Variants in SNX1 observed in about 807,000 individuals in gnomAD.
SNX1 encodes sorting nexin-1.
SNX1 carries 36 observed loss-of-function variants against 71.8 expected under a neutral mutation model. The observed-to-expected ratio is 0.50, with a 90% CI of 0.38 to 0.66. SNX1 has a LOEUF of 0.66. SNX1 is among the 30% of genes least tolerant of loss of function. The pLI is 0.00. For synonymous variants in SNX1, 254 were observed against 240.7 expected, an observed-to-expected ratio of 1.06 and a Z score of -0.51; for missense variants, 612 against 646.7, an observed-to-expected ratio of 0.95 and a Z score of 0.58.
intron 6 of SNX1, 117 bp downstream of exon 6, chr15:64,126,337 G>C: frequency 8.6e-7 from 1 of 1,166,220 alleles, no homozygotes; most frequent in Non-Finnish European, 1.2e-6. Flanking sequence ...TTAGAAAAGA[G>C]ACATTTCCAG....
In SNX1 at chr15:64,096,074, C is replaced by G; in HGVS notation, c.61C>G (p.Leu21Val). 6.3e-7 allele frequency: 1 copy of G among 1,580,238 alleles called. No individual in the cohort carries two copies. Among genetic ancestry groups the G allele is most frequent in the Non-Finnish European group, 8.6e-7 (1 of 1,166,536 alleles). ...SERLPPPFPG[L>V]EPESEGAAGG... is the part of the protein sequence containing the mutation. ...GAGACTGCCTCCGCCCTTCCCCGGC[C>G]TGGAGCCGGAGTCCGAGGGGGCGGC... Residue 21 changes from leucine to valine, a missense_variant, in exon 1 of 15, where the codon CTG becomes GTG. By Grantham distance (32) the Leu-to-Val change is conservative (BLOSUM62 1). Transcript: ENST00000559844.
In SNX1 at chr15:64,136,415, G is replaced by T. The variant is rs1335215365; in HGVS notation, c.1446+5G>T. The T allele has an allele frequency of 2.5e-6, 4 of 1,612,534 alleles. No individual in the cohort carries two copies. The East Asian group carries it at 8.9e-5, about 36-fold the overall frequency. ...AAAGAAGTGATACGGTTTGAGGTGAGATAGAAAATCCTACTTCTCACTTAG... is the reference window on the plus strand; with the variant it reads ...AAAGAAGTGATACGGTTTGAGGTGATATAGAAAATCCTACTTCTCACTTAG... On this transcript the variant is annotated splice_donor_5th_base_variant and intron_variant, in intron 13 of 14. Coordinates refer to ENST00000559844, the MANE Select transcript of SNX1 (RefSeq NM_003099.5).
Position 64,124,522 on chromosome 15 carries a change from A to T in SNX1, c.510+976A>T, listed in dbSNP as rs889681383. 1.8e-4 allele frequency among the ~76,000 whole-genome samples: 28 copies of T among 151,880 alleles called. No individual in the cohort carries two copies. The East Asian group carries it at 5.4e-3, about 29-fold the overall frequency. The stretch of plus-strand genomic sequence containing the variant: ...ACTCTGTCTCAAAAAAAAAAAAAAA[A>T]AAATAGTATCATGCTGATAATTGTG... On this transcript the variant is annotated intron_variant, in intron 5 of 14. Transcript: ENST00000559844.
rs1016164644 is a variant in SNX1 at position 64,139,989 on chromosome 15, A to G, written c.*2371A>G. The G allele has an allele frequency of 1.3e-5, 2 of 152,168 alleles. No homozygotes were observed. Among genetic ancestry groups the G allele is most frequent in the African/African-American group, 2.4e-5 (1 of 41,428 alleles). The allele number at this position is 152,168 out of a possible 1,614,324, so 9.4% of individuals were successfully genotyped here. ...GTCGTCAGTGCGTCGTAATCAGCAT[A>G]TAATGTCAGTTGGTCCCATTAATGT... On this transcript the variant is annotated 3_prime_UTR_variant, in exon 15 of 15. Coordinates refer to ENST00000559844, the MANE Select transcript of SNX1 (RefSeq NM_003099.5).
At chr15:64,113,727 A>G (rs540238044) in intron 2 of SNX1, among the ~76,000 whole-genome samples, 11 of 152,308 alleles carry the variant, frequency 7.2e-5, no homozygotes, top group African/African-American at 2.6e-4. Context: ...AGGCTGAGGC[A>G]GGAGAATTGC....
chr15:64,127,645 A>C, intron 7 of SNX1, 86 bp from the exon 8 acceptor site: 1 of 922,560 alleles, frequency 1.1e-6, no homozygotes, highest in Non-Finnish European at 1.8e-6. Flanking sequence ...AGTACAGAAG[A>C]CATGGTATCA....
Position 64,127,204 on chromosome 15 carries a change from ATTC to A in SNX1, c.691_693del (p.Ser231del), listed in dbSNP as rs762103879. 8.1e-5 allele frequency: 131 copies of A among 1,613,672 alleles called. No homozygotes were observed. The highest frequency in any genetic ancestry group is 1.1e-4 in the Non-Finnish European group (126 of 1,179,856). ...ACAAAAGTGAAAGTTGGGAAGGAAG[ATTC>A]TTCTTCTGCAGAATTTCTTGAAAAA... On this transcript the variant is annotated inframe_deletion, in exon 7 of 15. Coordinates refer to ENST00000559844, the MANE Select transcript of SNX1 (RefSeq NM_003099.5).
intron 1 of SNX1, among the ~76,000 whole-genome samples, chr15:64,096,701 C>A (rs2080905578): frequency 6.6e-6 from 1 of 152,186 alleles, no homozygotes; most frequent in African/African-American, 2.4e-5. Flanking sequence ...TTCTTCTGAT[C>A]TCTAGGAAAA....
intron 1 of SNX1, among the ~76,000 whole-genome samples, chr15:64,104,397 C>A (rs539374074): frequency 7.9e-5 from 12 of 151,498 alleles, no homozygotes; most frequent in Non-Finnish European, 1.5e-5. Flanking sequence ...CTCAGCCTCC[C>A]GAGTAGCTGG....
chr15:64,125,464 CAAAAAA>C (rs56350009), intron 5 of SNX1, among the ~76,000 whole-genome samples: 487 of 45,910 alleles, frequency 0.011, 5 homozygotes, highest in African/African-American at 0.031. Flanking sequence ...GACTCCATCT[CAAAAAA>C]AAAAAAAAAA....
chr15:64,102,035 A>G (rs1324629634), intron 1 of SNX1, among the ~76,000 whole-genome samples: 1 of 152,216 alleles, frequency 6.6e-6, no homozygotes, highest in Non-Finnish European at 1.5e-5. Flanking sequence ...AACTAAACAT[A>G]AAAAGAAAAA....
chr15:64,126,643 G>A (rs1414413183), intron 6 of SNX1, among the ~76,000 whole-genome samples: 5 of 152,084 alleles, frequency 3.3e-5, no homozygotes, highest in African/African-American at 4.8e-5. Context: ...GCAGTGGCGC[G>A]ATCTCAGCTC....
chr15:64,097,663 A>G (rs1201062947), intron 1 of SNX1, among the ~76,000 whole-genome samples: 1 of 152,248 alleles, frequency 6.6e-6, no homozygotes, highest in Non-Finnish European at 1.5e-5. Context: ...TTATGGAACC[A>G]GTAGAGATGT....
rs780446322 is a variant in SNX1 at position 64,138,325 on chromosome 15, CTT to C, written c.*722_*723del. On this transcript the variant is annotated 3_prime_UTR_variant, in exon 15 of 15. Coordinates refer to ENST00000559844, the MANE Select transcript of SNX1 (RefSeq NM_003099.5). ...AAGGAGGCAGAGACTTTCTCTCTCT[CTT>C]TTTTTTTTTTTTTTGGTGTCCCTAT... The C allele has an allele frequency of 0.034, 18,145 of 537,250 alleles. No homozygotes were observed. The highest frequency in any genetic ancestry group is 0.075 in the South Asian group (2,400 of 32,158). 33.3% of individuals were successfully genotyped at this position (537,250 alleles called of 1,614,324 possible).
chr15:64,137,694 C>T lies in SNX1; in HGVS notation c.*76C>T. The T allele has an allele frequency of 6.2e-7, 1 of 1,606,336 alleles. No individual in the cohort carries two copies. The highest frequency in any genetic ancestry group is 8.5e-7 in the Non-Finnish European group (1 of 1,175,240). Reference sequence around the variant, plus strand: ...TGTCCTCCTCCACCTTGATGGACCCCTAGTGATGCATCCTGCCTAGGCTGG... The same window carrying T: ...TGTCCTCCTCCACCTTGATGGACCCTTAGTGATGCATCCTGCCTAGGCTGG... On this transcript the variant is annotated 3_prime_UTR_variant, in exon 15 of 15. Coordinates refer to ENST00000559844, the MANE Select transcript of SNX1 (RefSeq NM_003099.5).
At position 64,138,000 on chromosome 15, in the gene SNX1, A is replaced by G; in HGVS notation, c.*382A>G. ...AAGGTTATGTAATAAAATATTTTAA[A>G]ATCAGGTCACATGACTCAGAATGTT... On this transcript the variant is annotated 3_prime_UTR_variant, in exon 15 of 15. Transcript: ENST00000559844. 3 of 1,480,264 alleles carry G rather than the reference A, an allele frequency of 2.0e-6. No individual in the cohort carries two copies. The highest frequency in any genetic ancestry group is 3.5e-4 in the Middle Eastern group (2 of 5,646). 91.7% of individuals were successfully genotyped at this position (1,480,264 alleles called of 1,614,324 possible). A position where few individuals can be genotyped will look rare whatever the true frequency, so the allele number is the denominator to read the frequency against.
intron 5 of SNX1, among the ~76,000 whole-genome samples, chr15:64,125,599 C>T (rs543380600): frequency 7.3e-5 from 11 of 151,174 alleles, no homozygotes; most frequent in Middle Eastern, 3.2e-3. Context: ...AAGCTGTGAT[C>T]GCACCAATGC....
Position 64,137,870 on chromosome 15 carries a change from G to C in SNX1, c.*252G>C. The C allele has an allele frequency of 7.1e-7, 1 of 1,403,992 alleles. No individual in the cohort carries two copies. The highest frequency in any genetic ancestry group is 3.0e-5 in the Admixed American group (1 of 32,934). The allele number at this position is 1,403,992 out of a possible 1,614,324, so 87.0% of individuals were successfully genotyped here. On this transcript the variant is annotated 3_prime_UTR_variant, in exon 15 of 15. Coordinates refer to ENST00000559844, the MANE Select transcript of SNX1 (RefSeq NM_003099.5). ...ACAATAGGTGGTGGAATTATGGGAT[G>C]GGGTGGAGTATTGATATAAATATAT... is the stretch of plus-strand genomic sequence containing the variant.
intron 3 of SNX1, 74 bp from the exon 4 acceptor site, chr15:64,118,714 A>G: frequency 7.3e-6 from 8 of 1,089,290 alleles, no homozygotes; most frequent in Non-Finnish European, 8.4e-6. Flanking sequence ...AGATTGGTAT[A>G]AGGTTATTAC....
Sources: gnomAD v4.1 joint callset for allele counts (sites outside exome capture counted in the v4.1 genomes callset) on GRCh38, gnomAD v4.1.1 for gene constraint, MANE v1.5 for transcripts, NCBI Gene and HGNC (gene_info 2026-07-23, HGNC 2026-07-21) for gene names.